GRAMD2A: variants seen among roughly 807,000 people sequenced by gnomAD.
GRAMD2A encodes the protein GRAM domain containing 2A, also known as GRAM domain-containing protein 2A.
In GRAMD2A, 37 loss-of-function variants were observed where a neutral mutation model predicts 51.1. That is an observed-to-expected ratio of 0.72 (90% confidence interval 0.56 to 0.95). The LOEUF (loss-of-function observed/expected upper bound fraction) is 0.95. GRAMD2A is among the 40% of genes least tolerant of loss of function. The probability of loss-of-function intolerance (pLI) is 0.00; values close to 1 mark genes in which losing one functional copy is unlikely to be tolerated. For missense variants in GRAMD2A, 414 were observed against 426.9 expected (o/e 0.97, Z 0.27); for synonymous variants, 136 against 157.1 (o/e 0.87, Z 1.01).
chr15:72,163,616 A>G lies in GRAMD2A; in HGVS notation c.742T>C (p.Ser248Pro), dbSNP rs761167697. The change falls in exon 9 of 12, where the codon TCT (serine) becomes CCT (proline). Residue 248 changes from serine to proline, a missense_variant. By Grantham distance (74) the Ser-to-Pro change is moderately conservative. Coordinates refer to ENST00000309731, the MANE Select transcript of GRAMD2A (RefSeq NM_001012642.3). ...GGACAAGCCCTCCCGAACTTACCAG[A>G]CATTGGAGGCTTCCTGGAGGGGAAG... ...SFFPSRKPPM[S>P]EKSRAQVASE... 9.8e-5 allele frequency: 157 copies of G among 1,595,516 alleles called. 3 individuals carry two copies. The South Asian group carries it at 1.7e-3, about 17-fold the overall frequency.
At chr15:72,189,175 G>A (rs1005468690) in intron 1 of GRAMD2A, among the ~76,000 whole-genome samples, 2 of 152,204 alleles carry the variant, frequency 1.3e-5, no homozygotes, top group African/African-American at 4.8e-5. Context: ...CAAAGGCACT[G>A]CGATATTATT....
intron 8 of GRAMD2A, 32 bp downstream of exon 8, chr15:72,165,322 C>T: frequency 6.2e-7 from 1 of 1,607,256 alleles, no homozygotes; most frequent in South Asian, 1.1e-5. Flanking sequence ...ACTGTCAGTC[C>T]AGCAGTCTTT....
In GRAMD2A at chr15:72,170,657, G is replaced by A. The variant is rs568163605; in HGVS notation, c.42-718C>T. On this transcript the variant is annotated intron_variant, in intron 1 of 11. Coordinates refer to ENST00000309731, the MANE Select transcript of GRAMD2A (RefSeq NM_001012642.3). This position sits in a 1 kb window ranked among gnomAD's most constrained non-coding sequence, Gnocchi z 4.5. ...CTTTGAGTTCCTGCCTCCACTAATC[G>A]CTCCAAAGAATCATTACCCTGTTCC... Among the ~76,000 whole-genome samples, 3 of 152,136 alleles carry A rather than the reference G, an allele frequency of 2.0e-5. No homozygotes were observed. Among genetic ancestry groups the A allele is most frequent in the East Asian group, 1.9e-4 (1 of 5,168 alleles).
chr15:72,169,382 T>C (rs540415906), intron 2 of GRAMD2A: 15 of 470,768 alleles, frequency 3.2e-5, no homozygotes, highest in African/African-American at 1.9e-4. Context: ...TAGGGACAGT[T>C]TGGGGTGTGG....
At chr15:72,169,347 A>T (rs2081583833) in intron 2 of GRAMD2A, 2 of 452,704 alleles carry the variant, frequency 4.4e-6, no homozygotes, top group East Asian at 5.0e-5. Context: ...CCAAGGGGTA[A>T]GCAGGGGAGC....
chr15:72,165,274 G>A lies in GRAMD2A; in HGVS notation c.600+80C>T, dbSNP rs1048722779. On this transcript the variant is annotated intron_variant, in intron 8 of 11. Coordinates refer to ENST00000309731, the MANE Select transcript of GRAMD2A (RefSeq NM_001012642.3). ...CTGGTGCCCCAGTTCTGCATTGTGG[G>A]CCCCCCTAGGAGGCCCAGAAGCCTC... 1.5e-5 allele frequency: 19 copies of A among 1,293,302 alleles called. No individual in the cohort carries two copies. The Admixed American group carries it at 2.0e-4, about 13-fold the overall frequency. The allele number at this position is 1,293,302 out of a possible 1,614,324, so 80.1% of individuals were successfully genotyped here.
chr15:72,168,656 C>G, intron 3 of GRAMD2A, 90 bp from the exon 4 acceptor site: 5 of 1,107,524 alleles, frequency 4.5e-6, no homozygotes, highest in Non-Finnish European at 6.9e-6. Context: ...GCCACAGCCC[C>G]CCGGCCCATG....
Position 72,170,132 on chromosome 15 carries a change from C to G in GRAMD2A, c.42-193G>C, listed in dbSNP as rs1433717446. On this transcript the variant is annotated intron_variant, in intron 1 of 11. Transcript: ENST00000309731. The surrounding 1 kb of genome is among the most constrained non-coding windows in gnomAD (Gnocchi z 4.5). ...GTTCTGGGATGGCTGACGGAGTAGG[C>G]GGGTCTCACACAGCGTCTTTCCCGA... is the stretch of plus-strand genomic sequence containing the variant. 1.5e-6 allele frequency: 1 copy of G among 685,816 alleles called. No individual in the cohort carries two copies. Among genetic ancestry groups the G allele is most frequent in the Non-Finnish European group, 2.7e-6 (1 of 374,480 alleles). The allele number at this position is 685,816 out of a possible 1,614,324, so 42.5% of individuals were successfully genotyped here.
chr15:72,191,098 C>A (rs148070221), intron 1 of GRAMD2A, among the ~76,000 whole-genome samples: 4 of 152,276 alleles, frequency 2.6e-5, no homozygotes, highest in South Asian at 2.1e-4. Flanking sequence ...GCTACTAGAG[C>A]CCATACCACG....
At chr15:72,168,715 G>A in intron 3 of GRAMD2A, 149 bp from the exon 4 acceptor site, 1 of 759,056 alleles carries the variant, frequency 1.3e-6, no homozygotes. Flanking sequence ...GAGTATGGAG[G>A]GCTGTGTGCC....
intron 1 of GRAMD2A, among the ~76,000 whole-genome samples, chr15:72,183,521 A>AAACAACAAC (rs3028402): frequency 5.3e-5 from 8 of 149,622 alleles, no homozygotes; most frequent in Non-Finnish European, 7.4e-5. Context: ...TCTCCATTAA[A>AAACAACAAC]AACAACAACA....
chr15:72,197,032 G>T (rs2081809981), intron 1 of GRAMD2A, among the ~76,000 whole-genome samples: 2 of 152,326 alleles, frequency 1.3e-5, no homozygotes, highest in African/African-American at 4.8e-5. Flanking sequence ...AGGACCCTAA[G>T]ACCTCAAGCA....
intron 1 of GRAMD2A, among the ~76,000 whole-genome samples, chr15:72,174,373 C>G (rs1274300066): frequency 5.9e-5 from 9 of 152,172 alleles, no homozygotes; most frequent in Admixed American, 2.0e-4. Flanking sequence ...GCTGTAGACT[C>G]TACTCACAGA....
At chr15:72,182,146 C>G (rs2081700912) in intron 1 of GRAMD2A, among the ~76,000 whole-genome samples, 1 of 152,068 alleles carries the variant, frequency 6.6e-6, no homozygotes, top group African/African-American at 2.4e-5. Context: ...GGGTGGATCA[C>G]TTGAGGTCAG....
In GRAMD2A at chr15:72,166,162, C is replaced by A. The variant is rs1026387439; in HGVS notation, c.543+470G>T. 6.6e-6 allele frequency among the ~76,000 whole-genome samples: 1 copy of A among 152,226 alleles called. No homozygotes were observed. ...GGGACCATACAGCCATTGTTTTTCACATTCAGTACAGGATTCAATAAGTTA... is the reference window on the plus strand; with the variant it reads ...GGGACCATACAGCCATTGTTTTTCAAATTCAGTACAGGATTCAATAAGTTA... On this transcript the variant is annotated intron_variant, in intron 7 of 11. Transcript: ENST00000309731. This position sits in a 1 kb window ranked among gnomAD's most constrained non-coding sequence, Gnocchi z 4.1.
rs2081466792 is a variant in GRAMD2A at position 72,160,857 on chromosome 15, G to GAGAT, written c.*1148_*1151dup. ...CTACCTTTCCTGTCCCCAGAGGTAT[G>GAGAT]AGATAGACCCCCTGGCCTGGTTCCT... On this transcript the variant is annotated 3_prime_UTR_variant, in exon 12 of 12. Coordinates refer to ENST00000309731, the MANE Select transcript of GRAMD2A (RefSeq NM_001012642.3). 1 of 152,702 alleles carries GAGAT rather than the reference G, an allele frequency of 6.5e-6. No individual in the cohort carries two copies. Among genetic ancestry groups the GAGAT allele is most frequent in the Non-Finnish European group, 1.5e-5 (1 of 68,410 alleles). The allele number at this position is 152,702 out of a possible 1,614,324, so 9.5% of individuals were successfully genotyped here.
intron 1 of GRAMD2A, among the ~76,000 whole-genome samples, chr15:72,196,474 C>T (rs1230007252): frequency 6.6e-5 from 10 of 151,874 alleles, no homozygotes; most frequent in African/African-American, 2.4e-4. Flanking sequence ...CAAGATCCCA[C>T]CACGGCACTC....
chr15:72,189,775 T>C (rs1264247296), intron 1 of GRAMD2A, among the ~76,000 whole-genome samples: 1 of 152,168 alleles, frequency 6.6e-6, no homozygotes, highest in Non-Finnish European at 1.5e-5. Context: ...TATAGAATGA[T>C]AACGGGAGGC....
At chr15:72,188,472 A>T (rs759181600) in intron 1 of GRAMD2A, among the ~76,000 whole-genome samples, 1 of 152,152 alleles carries the variant, frequency 6.6e-6, no homozygotes, top group Non-Finnish European at 1.5e-5. Flanking sequence ...CATTAAAAAT[A>T]TTTATCAATA....
Sources: gnomAD v4.1 joint callset for allele counts (sites outside exome capture counted in the v4.1 genomes callset) on GRCh38, gnomAD v4.1.1 for gene constraint, Gnocchi (gnomAD v3.1) non-coding constraint, MANE v1.5 for transcripts, NCBI Gene and HGNC (gene_info 2026-07-23, HGNC 2026-07-21) for gene names.